The following SH3RF3 variants were observed in gnomAD, a reference collection of about 807,000 sequenced individuals.
SH3RF3 encodes the protein SH3 domain containing ring finger 3, also known as E3 ubiquitin-protein ligase SH3RF3.
SH3RF3 carries 29 observed loss-of-function variants against 66.3 expected under a neutral mutation model. The ratio of observed to expected loss-of-function variants is 0.44; its 90% CI spans 0.33 to 0.60. SH3RF3 has a LOEUF of 0.60. Among genes scored for constraint, SH3RF3 ranks in the 20% least tolerant of loss-of-function variants. The pLI, the probability that SH3RF3 is intolerant of heterozygous loss-of-function variation, is 0.04. For missense variants in SH3RF3, 1,194 were observed against 1,190.9 expected (o/e 1.00, Z -0.04); for synonymous variants, 583 against 532.0 (o/e 1.10, Z -1.32).
chr2:109,241,093 G>A (rs1296548017), intron 1 of SH3RF3, among the ~76,000 whole-genome samples: 1 of 152,184 alleles, frequency 6.6e-6, no homozygotes, highest in African/African-American at 2.4e-5. Flanking sequence ...AGTAAGCTCT[G>A]AGAATGAGAA....
chr2:109,468,352 T>C (rs1678413659), intron 8 of SH3RF3, among the ~76,000 whole-genome samples: 1 of 152,244 alleles, frequency 6.6e-6, no homozygotes, highest in Non-Finnish European at 1.5e-5. Context: ...CACTGTGATG[T>C]TATGACAGCT....
At chr2:109,422,999 C>T (rs886401824) in intron 5 of SH3RF3, among the ~76,000 whole-genome samples, 11 of 152,126 alleles carry the variant, frequency 7.2e-5, no homozygotes, top group African/African-American at 1.7e-4. Context: ...CTGAGAGCAA[C>T]GGAACTCTTG....
rs144563818 is a variant in SH3RF3 at position 109,235,784 on chromosome 2, T to A, written c.573+105671T>A. 3.0e-4 allele frequency among the ~76,000 whole-genome samples: 46 copies of A among 152,338 alleles called. No individual in the cohort carries two copies. The East Asian group carries it at 8.5e-3, about 28-fold the overall frequency. The stretch of plus-strand genomic sequence containing the variant: ...ACTCTCTACTGAGCCCCTCTCTCCC[T>A]GTTCTTATTTCATCTTCACGTGCAC... On this transcript the variant is annotated intron_variant, in intron 1 of 9. Coordinates refer to ENST00000309415, the MANE Select transcript of SH3RF3 (RefSeq NM_001099289.3).
intron 1 of SH3RF3, among the ~76,000 whole-genome samples, chr2:109,133,285 A>G (rs1676738502): frequency 6.6e-6 from 1 of 152,226 alleles, no homozygotes; most frequent in Non-Finnish European, 1.5e-5. Context: ...TGTATTTTGT[A>G]TCTTGAGGTA....
intron 5 of SH3RF3, among the ~76,000 whole-genome samples, chr2:109,425,285 G>A (rs1225350259): frequency 6.6e-6 from 1 of 152,230 alleles, no homozygotes; most frequent in Non-Finnish European, 1.5e-5. Flanking sequence ...AAAAGTACAA[G>A]GTAAAGCAGC....
At chr2:109,361,485 T>C (rs1683050157) in intron 2 of SH3RF3, among the ~76,000 whole-genome samples, 1 of 152,186 alleles carries the variant, frequency 6.6e-6, no homozygotes, top group South Asian at 2.1e-4. Context: ...ATTCAGTTTC[T>C]TTTTTTAAAA....
At chr2:109,297,279 T>C (rs1001812660) in intron 1 of SH3RF3, among the ~76,000 whole-genome samples, 1 of 152,092 alleles carries the variant, frequency 6.6e-6, no homozygotes, top group Non-Finnish European at 1.5e-5. Context: ...ACAAATGCTG[T>C]ACGTAACAGA....
At chr2:109,198,351 A>G (rs941505628) in intron 1 of SH3RF3, among the ~76,000 whole-genome samples, 8 of 140,604 alleles carry the variant, frequency 5.7e-5, no homozygotes, top group Admixed American at 2.3e-4. Context: ...GATCACTTCA[A>G]ACATCCTTGT....
intron 2 of SH3RF3, among the ~76,000 whole-genome samples, 180 bp from the exon 3 acceptor site, chr2:109,371,402 AAAAG>A (rs1374152963): frequency 2.0e-5 from 3 of 152,138 alleles, no homozygotes; most frequent in African/African-American, 2.4e-5. Context: ...CCTCCAAACA[AAAAG>A]AAAGAAAGAG....
chr2:109,365,792 C>T (rs75337100), intron 2 of SH3RF3, among the ~76,000 whole-genome samples: 19,737 of 152,108 alleles, frequency 0.13, 1,432 homozygotes, highest in Middle Eastern at 0.24. Flanking sequence ...TCCCGGCTGT[C>T]GACTGTACTT....
At chr2:109,411,862 C>T (rs1159679081) in intron 4 of SH3RF3, among the ~76,000 whole-genome samples, 2 of 152,228 alleles carry the variant, frequency 1.3e-5, no homozygotes, top group Admixed American at 1.3e-4. Context: ...TGTTAAATCC[C>T]ACATATTTGC....
chr2:109,273,223 C>T (rs1359584358), intron 1 of SH3RF3, among the ~76,000 whole-genome samples: 2 of 152,186 alleles, frequency 1.3e-5, no homozygotes. Context: ...ATTGCACAGT[C>T]GTCTGTTCAG....
chr2:109,166,797 C>A (rs1279888437), intron 1 of SH3RF3, among the ~76,000 whole-genome samples: 1 of 152,200 alleles, frequency 6.6e-6, no homozygotes, highest in Admixed American at 6.5e-5. Context: ...TAGGTTAAAA[C>A]TGTAAGTACA....
intron 7 of SH3RF3, 148 bp downstream of exon 7, chr2:109,437,294 G>A (rs538467135): frequency 7.6e-6 from 10 of 1,309,982 alleles, no homozygotes; most frequent in Middle Eastern, 2.7e-4. Context: ...AAGGAAAACC[G>A]GTTTGGCCCC....
chr2:109,348,943 A>G (rs1289685052), intron 2 of SH3RF3, among the ~76,000 whole-genome samples: 1 of 152,038 alleles, frequency 6.6e-6, no homozygotes, highest in Non-Finnish European at 1.5e-5. Context: ...GCCTCACTGT[A>G]TTTTAGATGC....
At chr2:109,235,396 T>G (rs989428773) in intron 1 of SH3RF3, among the ~76,000 whole-genome samples, 2 of 152,128 alleles carry the variant, frequency 1.3e-5, no homozygotes, top group Non-Finnish European at 2.9e-5. Flanking sequence ...TTCAAAGCCT[T>G]TGTGTGTGTT....
chr2:109,239,646 C>T (rs1158253179), intron 1 of SH3RF3, among the ~76,000 whole-genome samples: 1 of 151,820 alleles, frequency 6.6e-6, no homozygotes, highest in Non-Finnish European at 1.5e-5. Context: ...AAAGAGAGGC[C>T]GATGAAGCCA....
chr2:109,294,287 T>G (rs1034708715), intron 1 of SH3RF3, among the ~76,000 whole-genome samples: 2 of 152,152 alleles, frequency 1.3e-5, no homozygotes. Flanking sequence ...CTGTGCCGTG[T>G]GCGGTGGTCA....
At chr2:109,239,599 A>G (rs572980948) in intron 1 of SH3RF3, among the ~76,000 whole-genome samples, 1 of 152,322 alleles carries the variant, frequency 6.6e-6, no homozygotes, top group Non-Finnish European at 1.5e-5. Context: ...GAGACTGGGT[A>G]CAGAGCCAGG....
Sources: allele counts gnomAD v4.1 joint callset (sites outside exome capture counted in the v4.1 genomes callset), GRCh38; gene constraint gnomAD v4.1.1; transcripts MANE v1.5; gene names NCBI Gene and HGNC (gene_info 2026-07-23, HGNC 2026-07-21).